Variants in ZNF26 observed in about 807,000 individuals in gnomAD.
ZNF26 encodes the protein epididymis luminal protein 179.
Under a neutral mutation model 54.9 loss-of-function variants are expected in ZNF26, and 32 were observed. That is an observed-to-expected ratio of 0.58 (90% CI 0.44 to 0.78). The LOEUF is 0.78. Ranked by LOEUF, ZNF26 falls within the 30% of genes least tolerant of loss-of-function variation. ZNF26 has a pLI of 0.00. For missense variants in ZNF26, 524 were observed against 634.0 expected, an observed-to-expected ratio of 0.83 and a Z score of 1.86; for synonymous variants, 221 against 209.2, an observed-to-expected ratio of 1.06 and a Z score of -0.49.
chr12:132,988,454 G>T (rs1384016833), intron 1 of ZNF26, among the ~76,000 whole-genome samples: 6 of 147,360 alleles, frequency 4.1e-5, no homozygotes, highest in Non-Finnish European at 7.5e-5. Flanking sequence ...GTGTTGCCCT[G>T]GCTGGCCTGC....
intron 1 of ZNF26, among the ~76,000 whole-genome samples, chr12:132,991,636 A>ACAACAAC (rs372924982): frequency 0.014 from 2,049 of 148,616 alleles, 45 homozygotes; most frequent in African/African-American, 0.05. Flanking sequence ...ACAACAAAAA[A>ACAACAAC]AAAAAAAACC....
At position 133,006,289 on chromosome 12, in the gene ZNF26, T is replaced by TC. The variant is rs1346351503; in HGVS notation, c.34-748dup. The TC allele has an allele frequency of 1.6e-5, 16 of 985,376 alleles. No individual in the cohort carries two copies. The South Asian group carries it at 6.1e-4, about 38-fold the overall frequency. The allele number at this position is 985,376 out of a possible 1,614,324, so 61.0% of individuals were successfully genotyped here. On this transcript the variant is annotated intron_variant, in intron 1 of 3. Transcript: ENST00000328654. ...GTAGAAGGATAAACTCTCTTGTTTA[T>TC]CCCCCTGTTCTCAGCTGAACCTCGT... is the stretch of plus-strand genomic sequence containing the variant.
At chr12:133,005,334 C>G (rs1412348898) in intron 1 of ZNF26, 1 of 152,162 alleles carries the variant, frequency 6.6e-6, no homozygotes, top group African/African-American at 2.4e-5. Context: ...TTCTGAGTAG[C>G]TAGGATTGCA....
rs1193768884 is a variant in ZNF26, at chr12:133,012,557, CTTTTGCT to C, written c.*1082_*1088del. The C allele has an allele frequency of 8.6e-5, 3 of 35,072 alleles. No homozygotes were observed. Among genetic ancestry groups the C allele is most frequent in the Non-Finnish European group, 2.0e-4 (3 of 14,878 alleles). The allele number at this position is 35,072 out of a possible 1,614,324, so 2.2% of individuals were successfully genotyped here. On this transcript the variant is annotated 3_prime_UTR_variant, in exon 4 of 4. Coordinates refer to ENST00000328654, the MANE Select transcript of ZNF26 (RefSeq NM_019591.4). The stretch of plus-strand genomic sequence containing the variant: ...TTTCCTCACTTCTCAATAAAAATGT[CTTTTGCT>C]TTTTGTTGTTTGGGTTTTTTTTTTT...
intron 1 of ZNF26, among the ~76,000 whole-genome samples, chr12:132,989,007 G>C (rs1952888764): frequency 7.4e-6 from 1 of 134,484 alleles, no homozygotes; most frequent in Non-Finnish European, 1.6e-5. Context: ...TAATCATGTA[G>C]TTCCAGGAGT....
At chr12:133,002,480 C>T (rs762134415) in intron 1 of ZNF26, among the ~76,000 whole-genome samples, 100 of 152,154 alleles carry the variant, frequency 6.6e-4, no homozygotes, top group Non-Finnish European at 1.2e-3. Flanking sequence ...AGCGAGAAGC[C>T]TTTCAGTGGC....
intron 1 of ZNF26, among the ~76,000 whole-genome samples, chr12:133,003,249 T>A (rs1169158676): frequency 1.9e-4 from 29 of 148,874 alleles, no homozygotes; most frequent in Admixed American, 1.7e-3. Flanking sequence ...TTTATGTAGT[T>A]CCCTTTTCTT....
chr12:132,986,572 C>A lies in ZNF26; in HGVS notation c.-269C>A. The A allele has an allele frequency of 1.8e-6, 1 of 566,350 alleles. No individual in the cohort carries two copies. The highest frequency in any genetic ancestry group is 3.2e-6 in the Non-Finnish European group (1 of 315,736). The allele number at this position is 566,350 out of a possible 1,614,324, so 35.1% of individuals were successfully genotyped here. Reference sequence around the variant, plus strand: ...CGGGGCGTGGACGGGGCCAGATCAGCCTCCTGCTCTCCCGAGTCAGGGCCA... The same window carrying A: ...CGGGGCGTGGACGGGGCCAGATCAGACTCCTGCTCTCCCGAGTCAGGGCCA... On this transcript the variant is annotated 5_prime_UTR_variant, in exon 1 of 4. Coordinates refer to ENST00000328654, the MANE Select transcript of ZNF26 (RefSeq NM_019591.4).
intron 3 of ZNF26, among the ~76,000 whole-genome samples, chr12:133,009,647 T>C (rs1953425870): frequency 6.6e-6 from 1 of 152,088 alleles, no homozygotes; most frequent in Admixed American, 6.5e-5. Context: ...ATTTGAATAA[T>C]TTGGTTCTGC....
In ZNF26 at chr12:133,011,140, A is replaced by AC; in HGVS notation, c.1263dup (p.Gly422ArgfsTer6). 6.2e-7 allele frequency: 1 copy of AC among 1,614,180 alleles called. No homozygotes were observed. Among genetic ancestry groups the AC allele is most frequent in the Non-Finnish European group, 8.5e-7 (1 of 1,180,026 alleles). On this transcript the variant is annotated frameshift_variant, in exon 4 of 4. Transcript: ENST00000328654. LOFTEE classifies it high-confidence loss of function. Reference sequence around the variant, plus strand: ...CCTTGTTATACATAGGAGAACACACACCGGAGAGAGACCCTATGAATGTAG... The same window carrying AC: ...CCTTGTTATACATAGGAGAACACACACCCGGAGAGAGACCCTATGAATGTAG...
intron 1 of ZNF26, among the ~76,000 whole-genome samples, chr12:132,991,868 C>T (rs1952969110): frequency 6.6e-6 from 1 of 152,112 alleles, no homozygotes; most frequent in Admixed American, 6.5e-5. Context: ...ATATCTGTGG[C>T]CGGGCCTGGC....
At chr12:133,002,264 C>G (rs1392156605) in intron 1 of ZNF26, among the ~76,000 whole-genome samples, 5 of 152,282 alleles carry the variant, frequency 3.3e-5, no homozygotes, top group African/African-American at 1.2e-4. Flanking sequence ...CATGCTGTCT[C>G]TATCAGGTTG....
Position 133,010,448 on chromosome 12 carries a change from T to G in ZNF26, c.569T>G (p.Ile190Ser). 1.2e-6 allele frequency: 2 copies of G among 1,614,122 alleles called. No homozygotes were observed. Among genetic ancestry groups the G allele is most frequent in the Non-Finnish European group, 1.7e-6 (2 of 1,180,020 alleles). Residue 190 changes from isoleucine to serine, a missense_variant, in exon 4 of 4, where the codon ATT becomes AGT. By Grantham distance (142) the Ile-to-Ser change is moderately radical. Coordinates refer to ENST00000328654, the MANE Select transcript of ZNF26 (RefSeq NM_019591.4). The stretch of plus-strand genomic sequence containing the variant: ...GCTTTTCGTTGTAAGTCACAGCTCA[T>G]TGTACATCTCAGAATTCATACAGGA... ...GKAFRCKSQL[I>S]VHLRIHTGER...
rs1235043685 is a variant in ZNF26 at position 133,025,183 on chromosome 12, T to A, written c.*13702T>A. 1 of 152,232 alleles carries A rather than the reference T, an allele frequency of 6.6e-6. No individual in the cohort carries two copies. Among genetic ancestry groups the A allele is most frequent in the Non-Finnish European group, 1.5e-5 (1 of 68,058 alleles). The allele number at this position is 152,232 out of a possible 1,614,324, so 9.4% of individuals were successfully genotyped here. A position where few individuals can be genotyped will look rare whatever the true frequency, so the allele number is the denominator to read the frequency against. On this transcript the variant is annotated 3_prime_UTR_variant, in exon 4 of 4. Transcript: ENST00000328654. ...TGGATTTCTATGGAACAGTGACTACTCTGTGCCTCCTCTTGTCCCCATTTT... is the reference window on the plus strand; with the variant it reads ...TGGATTTCTATGGAACAGTGACTACACTGTGCCTCCTCTTGTCCCCATTTT...
intron 1 of ZNF26, among the ~76,000 whole-genome samples, chr12:132,996,499 G>A (rs1953087468): frequency 6.6e-6 from 1 of 152,174 alleles, no homozygotes; most frequent in African/African-American, 2.4e-5. Flanking sequence ...AGTAGTCCAA[G>A]CATATGATTT....
chr12:133,007,089 A>G lies in ZNF26; in HGVS notation c.81A>G (p.Glu27=). The G allele has an allele frequency of 6.2e-7, 1 of 1,614,126 alleles. No individual in the cohort carries two copies. Among genetic ancestry groups the G allele is most frequent in the Non-Finnish European group, 8.5e-7 (1 of 1,179,980 alleles). ...TATCTATGGAGTTCACCTGGGATGA[A>G]TGGCAGCTACTGGATTCTACACAGA... ...KDISMEFTWD[E]WQLLDSTQKY... The change falls in exon 2 of 4, where the codon GAA becomes GAG. Residue 27 remains glutamate (E), a synonymous_variant. Coordinates refer to ENST00000328654, the MANE Select transcript of ZNF26 (RefSeq NM_019591.4).
At position 132,986,787 on chromosome 12, in the gene ZNF26, T is replaced by C. The variant is rs1167232845; in HGVS notation, c.-54T>C. ...GGGCGGACGCATCCCTCACGGTCTC[T>C]CCGCAGCCCGCGGGTCCTGCCCCCG... On this transcript the variant is annotated 5_prime_UTR_variant, in exon 1 of 4. Transcript: ENST00000328654. 3.6e-5 allele frequency: 56 copies of C among 1,561,034 alleles called. No individual in the cohort carries two copies. Among genetic ancestry groups the C allele is most frequent in the South Asian group, 1.5e-4 (13 of 85,390 alleles).
intron 1 of ZNF26, among the ~76,000 whole-genome samples, chr12:132,992,032 T>C (rs1382464718): frequency 1.3e-5 from 2 of 151,696 alleles, no homozygotes; most frequent in Non-Finnish European, 2.9e-5. Context: ...CCTGTAGGCC[T>C]GGCTACTTGG....
chr12:133,002,731 C>T (rs1323617355), intron 1 of ZNF26, among the ~76,000 whole-genome samples: 2 of 152,070 alleles, frequency 1.3e-5, no homozygotes, highest in East Asian at 3.9e-4. Flanking sequence ...TCAAGCGATT[C>T]TCCTGTCTCA....
Sources: allele counts gnomAD v4.1 joint callset (sites outside exome capture counted in the v4.1 genomes callset), GRCh38; gene constraint gnomAD v4.1.1; transcripts MANE v1.5; gene names NCBI Gene and HGNC (gene_info 2026-07-23, HGNC 2026-07-21).